NFKBID: variants seen among roughly 807,000 people sequenced by gnomAD.
NFKBID encodes NF-kappa-B inhibitor delta.
In NFKBID, 26 loss-of-function variants were observed where a neutral mutation model predicts 53.4. The ratio of observed to expected loss-of-function variants is 0.49; its 90% confidence interval spans 0.36 to 0.68. The LOEUF is 0.68. Ranked by LOEUF, NFKBID falls within the 30% of genes least tolerant of loss-of-function variation. The probability of loss-of-function intolerance (pLI) is 0.00; values close to 1 mark genes in which losing one functional copy is unlikely to be tolerated. For synonymous variants in NFKBID, 262 were observed against 259.8 expected, an observed-to-expected ratio of 1.01 and a Z score of -0.08; for missense variants, 493 against 614.1, an observed-to-expected ratio of 0.80 and a Z score of 2.08.
Position 35,896,774 on chromosome 19 carries a change from C to T in NFKBID, c.636G>A (p.Glu212=). The T allele has an allele frequency of 5.0e-6, 8 of 1,613,986 alleles. No homozygotes were observed. The highest frequency in any genetic ancestry group is 6.8e-6 in the Non-Finnish European group (8 of 1,179,888). Reference sequence around the variant, plus strand: ...CAAGACGCCGGTACACCTGGAGCACCTCAGCCGCAGCATATGCCGCCCAGC... The same window carrying T: ...CAAGACGCCGGTACACCTGGAGCACTTCAGCCGCAGCATATGCCGCCCAGC... Residue 212 remains glutamate, a synonymous_variant, in exon 6 of 12, where the codon GAG becomes GAA. Coordinates refer to ENST00000641389, the Ensembl canonical transcript of NFKBID. This position sits in a 1 kb window ranked among gnomAD's most constrained non-coding sequence, Gnocchi z 5.7.
upstream of NFKBID, among the ~76,000 whole-genome samples, chr19:35,901,322 G>A (rs1192853457): frequency 6.6e-6 from 1 of 152,158 alleles, no homozygotes; most frequent in Non-Finnish European, 1.5e-5. Flanking sequence ...TAAGGGTATA[G>A]GGTGTGGCTC....
chr19:35,899,401 C>A (rs1481874705), intron 1 of NFKBID, among the ~76,000 whole-genome samples: 1 of 151,796 alleles, frequency 6.6e-6, no homozygotes, highest in African/African-American at 2.4e-5. Context: ...CCCGTCTCTA[C>A]TAAAAATATA....
upstream of NFKBID, chr19:35,900,793 A>ATTACT (rs1975520656): frequency 3.9e-6 from 1 of 259,566 alleles, no homozygotes; most frequent in Non-Finnish European, 6.9e-6. Flanking sequence ...GGGGGCCTGG[A>ATTACT]TTTCTTTTCT....
chr19:35,892,778 A>G (rs1974864390), intron 9 of NFKBID, among the ~76,000 whole-genome samples: 1 of 152,064 alleles, frequency 6.6e-6, no homozygotes, highest in African/African-American at 2.4e-5. Context: ...CCCAATTTGT[A>G]ATTATGTTCA....
At chr19:35,895,600 G>C (rs538946835) in intron 9 of NFKBID, among the ~76,000 whole-genome samples, 4 of 152,112 alleles carry the variant, frequency 2.6e-5, no homozygotes, top group Non-Finnish European at 5.9e-5. Flanking sequence ...TCGGGAGTTC[G>C]AGACCAGCAA....
upstream of NFKBID, chr19:35,901,422 G>A (rs1975561866): frequency 6.6e-6 from 1 of 152,032 alleles, no homozygotes; most frequent in Admixed American, 6.6e-5. Flanking sequence ...CAGCAGAGGA[G>A]GCATTTTGCT....
chr19:35,897,774 C>G (rs763431879), exon 4 of NFKBID: 4 of 1,608,226 alleles, frequency 2.5e-6, no homozygotes, highest in South Asian at 1.1e-5. Flanking sequence ...AGGCAGCATG[C>G]GTGTTGGGGT....
intron 9 of NFKBID, chr19:35,890,779 A>T (rs1685154904): frequency 2.4e-6 from 1 of 408,308 alleles, no homozygotes; most frequent in Non-Finnish European, 4.8e-6. Context: ...CAGGAGGTTC[A>T]TTTGAGCCTA....
chr19:35,896,427 C>G lies in NFKBID; in HGVS notation c.796G>C (p.Val266Leu). 2 of 1,614,202 alleles carry G rather than the reference C, an allele frequency of 1.2e-6. No individual in the cohort carries two copies. Among genetic ancestry groups the G allele is most frequent in the Non-Finnish European group, 1.7e-6 (2 of 1,180,046 alleles). Residue 266 changes from valine (V) to leucine (L), a missense_variant, in exon 7 of 12, where the codon GTG becomes CTG. Physicochemically the swap from Val to Leu is conservative, Grantham distance 32 (BLOSUM62 1). Around this residue, in one of 2 missense-constraint regions of NFKBID, gnomAD observed 267 missense variants for 384.6 expected, o/e 0.69. Transcript: ENST00000641389. The surrounding 1 kb of genome is among the most constrained non-coding windows in gnomAD (Gnocchi z 5.7). ...CCTGGGAGCCCGTAGGTAGCGGCCA[C>G]GTGCAAGACCGAACGTCCCTGATGG...
At chr19:35,898,016 G>A (rs970116120) in intron 3 of NFKBID, among the ~76,000 whole-genome samples, 160 bp from the exon 4 acceptor site, 3 of 151,918 alleles carry the variant, frequency 2.0e-5, no homozygotes, top group Non-Finnish European at 4.4e-5. Flanking sequence ...AGGAATTGAG[G>A]GCCTGGACTC....
chr19:35,892,889 G>A (rs1318133997), intron 9 of NFKBID, among the ~76,000 whole-genome samples: 1 of 152,180 alleles, frequency 6.6e-6, no homozygotes, highest in African/African-American at 2.4e-5. Flanking sequence ...TAGGTAGCTG[G>A]GCACAGCAGC....
At chr19:35,890,233 A>T in intron 10 of NFKBID, 141 bp downstream of exon 10, 1 of 844,948 alleles carries the variant, frequency 1.2e-6, no homozygotes, top group Non-Finnish European at 1.9e-6. Flanking sequence ...TTCTGGGGCA[A>T]TCTGTGTCTG....
rs371203508 is a variant in NFKBID, at chr19:35,896,828, G to A, written c.582C>T (p.Leu194=). 1.2e-6 allele frequency: 2 copies of A among 1,614,154 alleles called. No individual in the cohort carries two copies. Among genetic ancestry groups the A allele is most frequent in the Non-Finnish European group, 8.5e-7 (1 of 1,180,000 alleles). The change falls in exon 6 of 12, where the codon CTC becomes CTT. Residue 194 remains leucine (L), a synonymous_variant. Transcript: ENST00000641389. This position sits in a 1 kb window ranked among gnomAD's most constrained non-coding sequence, Gnocchi z 5.7. ...GCCCCCGAGCCGCAAACAGGTGAAGGAGCCTGAGGACAGGTGGGGGACAGC... is the reference window on the plus strand; with the variant it reads ...GCCCCCGAGCCGCAAACAGGTGAAGAAGCCTGAGGACAGGTGGGGGACAGC...
chr19:35,890,091 C>T, intron 10 of NFKBID, 37 bp from the exon 11 acceptor site: 1 of 1,567,864 alleles, frequency 6.4e-7, no homozygotes, highest in Middle Eastern at 1.7e-4. Context: ...GGGATCTGGG[C>T]TCAGCTGGCC....
At chr19:35,890,323 C>A (rs775814753) in intron 10 of NFKBID, 51 bp downstream of exon 10, 46 of 1,272,226 alleles carry the variant, frequency 3.6e-5, no homozygotes, top group Non-Finnish European at 5.2e-5. Context: ...CATCCCACTG[C>A]CCCCCCTACC....
At chr19:35,890,109 CT>C in intron 10 of NFKBID, 55 bp from the exon 11 acceptor site, 1 of 1,501,134 alleles carries the variant, frequency 6.7e-7, no homozygotes, top group South Asian at 1.2e-5. Flanking sequence ...GCCCAGGCCT[CT>C]AAACTGCACT....
rs773972414 is a variant in NFKBID at position 35,896,082 on chromosome 19, C to T, written c.930G>A (p.Met310Ile). The T allele has an allele frequency of 1.2e-6, 2 of 1,614,060 alleles. No homozygotes were observed. Among genetic ancestry groups the T allele is most frequent in the South Asian group, 2.2e-5 (2 of 91,086 alleles). ...CCCGGGGACAGAGGTCGGAAGGGCG[C>T]ATAGCAACGTTAAGGGCCAGGATGG... Residue 310 changes from methionine (M) to isoleucine (I), a missense_variant, in exon 9 of 12, where the codon ATG (methionine) becomes ATA (isoleucine). Transcript: ENST00000641389. This position sits in a 1 kb window ranked among gnomAD's most constrained non-coding sequence, Gnocchi z 5.7.
intron 3 of NFKBID, among the ~76,000 whole-genome samples, chr19:35,898,178 G>A (rs1381823172): frequency 1.3e-5 from 2 of 152,042 alleles, no homozygotes; most frequent in South Asian, 2.1e-4. Flanking sequence ...GCCAGACCCC[G>A]TTTCTACAAA....
chr19:35,902,279 C>T (rs1285498987), upstream of NFKBID: 1 of 707,304 alleles, frequency 1.4e-6, no homozygotes, highest in Non-Finnish European at 2.6e-6. Flanking sequence ...CAAACACACC[C>T]ACATTCATTT....
Sources: allele counts gnomAD v4.1 joint callset (sites outside exome capture counted in the v4.1 genomes callset), GRCh38; gene constraint gnomAD v4.1.1; regional missense constraint gnomAD v4.1.1; non-coding constraint Gnocchi (gnomAD v3.1); transcripts MANE v1.5; gene names NCBI Gene and HGNC (gene_info 2026-07-23, HGNC 2026-07-21).